RGPD2: variants seen among roughly 807,000 people sequenced by gnomAD.
The protein encoded by RGPD2 is RANBP2-like and GRIP domain-containing protein 2.
Under a neutral mutation model 36.0 loss-of-function variants are expected in RGPD2, and 2 were observed. That is an observed-to-expected ratio of 0.06 (90% CI 0.02 to 0.17). RGPD2 has a LOEUF of 0.17. Ranked by LOEUF, RGPD2 falls within the 10% of genes least tolerant of loss-of-function variation. RGPD2 has a pLI of 1.00. For missense variants in RGPD2, 40 were observed against 464.3 expected (o/e 0.09, Z 8.40); for synonymous variants, 19 against 163.8 (o/e 0.12, Z 6.75).
At chr2:87,977,853 C>T in the RGPD2 span, among the ~76,000 whole-genome samples, 18 of 152,320 alleles carry the variant, frequency 1.2e-4, no homozygotes, top group East Asian at 5.8e-4. Flanking sequence ...CAGTGGCTCA[C>T]GCCTGTAATC....
At chr2:87,972,003 A>G in the RGPD2 span, among the ~76,000 whole-genome samples, 1 of 148,682 alleles carries the variant, frequency 6.7e-6, no homozygotes, top group Non-Finnish European at 1.5e-5. Flanking sequence ...AGAAAGCTCA[A>G]CTGTAAAACT....
At chr2:87,877,455 T>C in the RGPD2 span, among the ~76,000 whole-genome samples, 3 of 152,234 alleles carry the variant, frequency 2.0e-5, no homozygotes, top group African/African-American at 4.8e-5. Flanking sequence ...TCTCCTTCAC[T>C]TATGGAGCTT....
the RGPD2 span, among the ~76,000 whole-genome samples, chr2:87,914,097 C>T: frequency 6.6e-6 from 1 of 151,064 alleles, no homozygotes; most frequent in African/African-American, 2.4e-5. Flanking sequence ...AGCCGAATGC[C>T]TCTTATACAA....
chr2:87,966,647 G>A, the RGPD2 span, among the ~76,000 whole-genome samples: 3 of 152,216 alleles, frequency 2.0e-5, no homozygotes, highest in African/African-American at 7.2e-5. Flanking sequence ...CCTAGAACTG[G>A]CCAAGCACAG....
chr2:87,836,779 C>G, the RGPD2 span, among the ~76,000 whole-genome samples: 1 of 152,092 alleles, frequency 6.6e-6, no homozygotes, highest in African/African-American at 2.4e-5. Flanking sequence ...ACCTAAAAAG[C>G]ACAGAGTGAC....
chr2:87,903,412 C>G, the RGPD2 span, among the ~76,000 whole-genome samples: 1 of 152,272 alleles, frequency 6.6e-6, no homozygotes, highest in Non-Finnish European at 1.5e-5. Context: ...TTAACAGTTT[C>G]TTACTCGTCT....
At chr2:87,826,170 ATAC>A (rs1686805214), upstream of RGPD2, among the ~76,000 whole-genome samples, 1 of 152,232 alleles carries the variant, frequency 6.6e-6, no homozygotes, top group East Asian at 1.9e-4. Flanking sequence ...TGTGACTCAG[ATAC>A]TACTTGTAAA....
At chr2:87,925,722 T>C in the RGPD2 span, among the ~76,000 whole-genome samples, 1 of 150,820 alleles carries the variant, frequency 6.6e-6, no homozygotes, top group Non-Finnish European at 1.5e-5. Context: ...TGAGATGGTA[T>C]CTCATTGTGG....
At chr2:87,867,466 A>T in the RGPD2 span, among the ~76,000 whole-genome samples, 2 of 149,850 alleles carry the variant, frequency 1.3e-5, no homozygotes, top group Admixed American at 6.7e-5. Flanking sequence ...TTCACATTGC[A>T]TGCCTGTCAA....
At chr2:87,913,452 G>A in the RGPD2 span, among the ~76,000 whole-genome samples, 1 of 151,620 alleles carries the variant, frequency 6.6e-6, no homozygotes, top group African/African-American at 2.4e-5. Flanking sequence ...TAAATGATGA[G>A]TTGATGGGTG....
At chr2:87,876,879 TG>T in the RGPD2 span, among the ~76,000 whole-genome samples, 1 of 152,128 alleles carries the variant, frequency 6.6e-6, no homozygotes, top group African/African-American at 2.4e-5. Flanking sequence ...TTTATAAATC[TG>T]GGTGCTCCTA....
the RGPD2 span, among the ~76,000 whole-genome samples, chr2:87,915,359 A>ATATATATATGTATATTATATATATTG: frequency 5.0e-4 from 37 of 73,562 alleles, no homozygotes; most frequent in Non-Finnish European, 7.1e-4. Context: ...TATATATATT[A>ATATATATATGTATATTATATATATTG]TATATATATG....
the RGPD2 span, among the ~76,000 whole-genome samples, chr2:87,985,554 T>C: frequency 1.3e-5 from 2 of 152,312 alleles, no homozygotes; most frequent in East Asian, 1.9e-4. Context: ...AAAATGTTAA[T>C]ATTAAATATT....
chr2:87,888,452 G>GA, the RGPD2 span, among the ~76,000 whole-genome samples: 2 of 121,360 alleles, frequency 1.6e-5, no homozygotes, highest in African/African-American at 3.2e-5. Context: ...AAATATTGCA[G>GA]AAAAAATACT....
chr2:87,825,346 A>T (rs1046332028), intron 1 of RGPD2, among the ~76,000 whole-genome samples: 1 of 148,376 alleles, frequency 6.7e-6, no homozygotes, highest in Non-Finnish European at 1.5e-5. Flanking sequence ...TATTGCCACA[A>T]CTAATCTTCT....
the RGPD2 span, among the ~76,000 whole-genome samples, chr2:87,975,075 C>A: frequency 3.3e-5 from 5 of 152,156 alleles, no homozygotes; most frequent in African/African-American, 4.8e-5. Flanking sequence ...CTGGCCACAT[C>A]CCTTGTGTTT....
At chr2:87,955,197 G>A in the RGPD2 span, among the ~76,000 whole-genome samples, 1 of 130,624 alleles carries the variant, frequency 7.7e-6, no homozygotes, top group Non-Finnish European at 1.6e-5. Context: ...TGTATTTTTA[G>A]TAGAGACAGG....
At chr2:87,882,298 T>C in the RGPD2 span, among the ~76,000 whole-genome samples, 1 of 152,206 alleles carries the variant, frequency 6.6e-6, no homozygotes, top group Non-Finnish European at 1.5e-5. Flanking sequence ...ATCAGGGTTC[T>C]TTTTTTTCTT....
At chr2:87,825,260 C>T (rs568400897) in intron 1 of RGPD2, 1 of 395,108 alleles carries the variant, frequency 2.5e-6, no homozygotes, top group Non-Finnish European at 4.5e-6. Context: ...ATCCAACTAA[C>T]CTCAAAACAA....
Sources: gnomAD v4.1 joint callset for allele counts (sites outside exome capture counted in the v4.1 genomes callset) on GRCh38, gnomAD v4.1.1 for gene constraint, MANE v1.5 for transcripts, NCBI Gene and HGNC (gene_info 2026-07-23, HGNC 2026-07-21) for gene names.